Variants in INSL4 observed in about 807,000 individuals in gnomAD.
The protein encoded by INSL4 is early placenta insulin-like peptide.
Under a neutral mutation model 6.5 loss-of-function variants are expected in INSL4, and 7 were observed. The observed-to-expected ratio is 1.08, with a 90% CI of 0.61 to 2.02. INSL4 has a LOEUF of 2.02. Ranked by LOEUF, INSL4 falls within the 30% of genes most tolerant of loss-of-function variation. The probability of loss-of-function intolerance (pLI) is 0.00; values close to 1 mark genes in which losing one functional copy is unlikely to be tolerated. For synonymous variants in INSL4, 82 were observed against 65.8 expected (o/e 1.25, Z -1.19); for missense variants, 226 against 163.2 (o/e 1.38, Z -2.09).
Position 5,233,706 on chromosome 9 carries a change from A to G in INSL4, c.249A>G (p.Ser83=), listed in dbSNP as rs772501702. 1.9e-6 allele frequency: 3 copies of G among 1,613,742 alleles called. No homozygotes were observed. The South Asian group carries it at 3.3e-5, about 18-fold the overall frequency. ...NKDGQALGTT[S]EFIPNLSPEL... is the part of the protein sequence containing the mutation. The stretch of plus-strand genomic sequence containing the variant: ...ATGGACAAGCCTTAGGTACGACATC[A>G]GAATTCATTCCTAATTTGTCACCAG... Residue 83 remains serine, a synonymous_variant, in exon 2 of 2, where the codon TCA becomes TCG. Coordinates refer to ENST00000239316, the MANE Select transcript of INSL4 (RefSeq NM_002195.2).
In INSL4 at chr9:5,234,105, A is replaced by T; in HGVS notation, c.*228A>T. The stretch of plus-strand genomic sequence containing the variant: ...TACAATGGGGAAATTATACTTAACA[A>T]TAATTCACTGTATATTCCAAAATAG... On this transcript the variant is annotated 3_prime_UTR_variant, in exon 2 of 2. Coordinates refer to ENST00000239316, the MANE Select transcript of INSL4 (RefSeq NM_002195.2). 2.1e-6 allele frequency: 1 copy of T among 476,480 alleles called. No homozygotes were observed. Among genetic ancestry groups the T allele is most frequent in the Non-Finnish European group, 3.8e-6 (1 of 265,246 alleles). 29.5% of individuals were successfully genotyped at this position (476,480 alleles called of 1,614,324 possible).
In INSL4 at chr9:5,233,998, C is replaced by T; in HGVS notation, c.*121C>T. 1 of 703,574 alleles carries T rather than the reference C, an allele frequency of 1.4e-6. No homozygotes were observed. 43.6% of individuals were successfully genotyped at this position (703,574 alleles called of 1,614,324 possible). A position where few individuals can be genotyped will look rare whatever the true frequency, so the allele number is the denominator to read the frequency against. ...ACATGAGAATCATTATTAGTATTCA[C>T]ATGTTTCACTTGCTCTGTACTAATA... is the stretch of plus-strand genomic sequence containing the variant. On this transcript the variant is annotated 3_prime_UTR_variant, in exon 2 of 2. Coordinates refer to ENST00000239316, the MANE Select transcript of INSL4 (RefSeq NM_002195.2).
Position 5,233,901 on chromosome 9 carries a change from C to G in INSL4, c.*24C>G. 1 of 1,426,074 alleles carries G rather than the reference C, an allele frequency of 7.0e-7. No individual in the cohort carries two copies. Among genetic ancestry groups the G allele is most frequent in the East Asian group, 2.3e-5 (1 of 43,778 alleles). The allele number at this position is 1,426,074 out of a possible 1,614,324, so 88.3% of individuals were successfully genotyped here. A position where few individuals can be genotyped will look rare whatever the true frequency, so the allele number is the denominator to read the frequency against. On this transcript the variant is annotated 3_prime_UTR_variant, in exon 2 of 2. Transcript: ENST00000239316. Reference sequence around the variant, plus strand: ...AGTAGAGTAATCATGGACTGGACATCTCATCCATTCTCATATGTATTCTCA... The same window carrying G: ...AGTAGAGTAATCATGGACTGGACATGTCATCCATTCTCATATGTATTCTCA...
chr9:5,231,793 T>C (rs1292553285), intron 1 of INSL4, 74 bp downstream of exon 1: 2 of 1,304,144 alleles, frequency 1.5e-6, no homozygotes, highest in African/African-American at 1.5e-5. Flanking sequence ...TGACTGCCTG[T>C]AGTCAACTCA....
chr9:5,233,654 A>C lies in INSL4; in HGVS notation c.197A>C (p.Glu66Ala). Residue 66 changes from glutamate (E) to alanine (A), a missense_variant and splice_region_variant, in exon 2 of 2, where the codon GAA (glutamate) becomes GCA (alanine). Transcript: ENST00000239316. Reference sequence around the variant, plus strand: ...TTCATTCCTCTCTTTTACTTCACAGAAATGGTGTCAACCTCCAACAACAAA... The same window carrying C: ...TTCATTCCTCTCTTTTACTTCACAGCAATGGTGTCAACCTCCAACAACAAA... ...GWLLESGRPK[E>A]MVSTSNNKDG... 1 of 1,610,436 alleles carries C rather than the reference A, an allele frequency of 6.2e-7. No individual in the cohort carries two copies.
rs770280095 is a variant in INSL4 at position 5,231,720 on chromosome 9, G to A, written c.196+1G>A. ...CTGCTGGAATCTGGACGTCCCAAAG[G>A]TGAGAGCCCTGGACTACCAAACAAT... On this transcript the variant is annotated splice_donor_variant, in intron 1 of 1. Transcript: ENST00000239316. LOFTEE classifies it high-confidence loss of function. The A allele has an allele frequency of 6.2e-7, 1 of 1,613,190 alleles. No homozygotes were observed. The highest frequency in any genetic ancestry group is 1.1e-5 in the South Asian group (1 of 91,016).
In INSL4 at chr9:5,231,613, A is replaced by T. The variant is rs758047441; in HGVS notation, c.90A>T (p.Gly30=). 1.4e-5 allele frequency: 23 copies of T among 1,613,786 alleles called. No homozygotes were observed. The highest frequency in any genetic ancestry group is 1.7e-5 in the Non-Finnish European group (20 of 1,179,892). The change falls in exon 1 of 2, where the codon GGA becomes GGT. Residue 30 remains glycine (G), a synonymous_variant. Coordinates refer to ENST00000239316, the MANE Select transcript of INSL4 (RefSeq NM_002195.2). ...AAAGCCTAGCAGCAGAGCTGAGGGG[A>T]TGTGGTCCCCGATTTGGAAAACACT... ...LRESLAAELR[G]CGPRFGKHLL... is the part of the protein sequence containing the mutation.
Position 5,231,441 on chromosome 9 carries a change from C to A in INSL4, c.-83C>A, listed in dbSNP as rs1026535782. 4.4e-6 allele frequency: 6 copies of A among 1,365,246 alleles called. No homozygotes were observed. Among genetic ancestry groups the A allele is most frequent in the Non-Finnish European group, 5.0e-6 (5 of 991,316 alleles). 84.6% of individuals were successfully genotyped at this position (1,365,246 alleles called of 1,614,324 possible). A position where few individuals can be genotyped will look rare whatever the true frequency, so the allele number is the denominator to read the frequency against. On this transcript the variant is annotated 5_prime_UTR_variant, in exon 1 of 2. Coordinates refer to ENST00000239316, the MANE Select transcript of INSL4 (RefSeq NM_002195.2). Reference sequence around the variant, plus strand: ...AGCAGTCTGGAGCCCAGAAGGGACACACCAGCACAGTCTGGTAGGCTACAG... The same window carrying A: ...AGCAGTCTGGAGCCCAGAAGGGACAAACCAGCACAGTCTGGTAGGCTACAG...
At position 5,231,585 on chromosome 9, in the gene INSL4, G is replaced by C. The variant is rs373284084; in HGVS notation, c.62G>C (p.Arg21Thr). ...TGGCTGCTGCTGAGCCAACTCCTTA[G>C]AGAAAGCCTAGCAGCAGAGCTGAGG... ...AIWLLLSQLL[R>T]ESLAAELRGC... Residue 21 changes from arginine to threonine, a missense_variant, in exon 1 of 2, where the codon AGA becomes ACA. Arg to Thr is a moderately conservative substitution (Grantham distance 71). Transcript: ENST00000239316. 3.7e-6 allele frequency: 6 copies of C among 1,613,776 alleles called. No individual in the cohort carries two copies. The African/African-American group carries it at 8.0e-5, about 22-fold the overall frequency.
At chr9:5,233,096 C>T (rs1826172398) in intron 1 of INSL4, among the ~76,000 whole-genome samples, 1 of 152,068 alleles carries the variant, frequency 6.6e-6, no homozygotes, top group Non-Finnish European at 1.5e-5. Flanking sequence ...TGAAAATCCT[C>T]ATTTAAATAC....
rs1826189020 is a variant in INSL4, at chr9:5,233,984, A to G, written c.*107A>G. ...TGCTGTTTATTAGAACATGAGAATC[A>G]TTATTAGTATTCACATGTTTCACTT... On this transcript the variant is annotated 3_prime_UTR_variant, in exon 2 of 2. Coordinates refer to ENST00000239316, the MANE Select transcript of INSL4 (RefSeq NM_002195.2). 4 of 744,148 alleles carry G rather than the reference A, an allele frequency of 5.4e-6. No individual in the cohort carries two copies. Among genetic ancestry groups the G allele is most frequent in the Non-Finnish European group, 9.1e-6 (4 of 438,382 alleles). 46.1% of individuals were successfully genotyped at this position (744,148 alleles called of 1,614,324 possible).
chr9:5,233,373 G>C (rs78357337), intron 1 of INSL4, among the ~76,000 whole-genome samples: 1,685 of 152,248 alleles, frequency 0.011, 35 homozygotes, highest in African/African-American at 0.039. Context: ...GTCAGGGAGA[G>C]TCAAAAGTGG....
intron 1 of INSL4, 98 bp downstream of exon 1, chr9:5,231,817 C>G: frequency 9.7e-7 from 1 of 1,030,730 alleles, no homozygotes; most frequent in Non-Finnish European, 1.4e-6. Context: ...TCTACTGTGG[C>G]TAGTGCCTAC....
intron 1 of INSL4, among the ~76,000 whole-genome samples, chr9:5,233,336 T>A (rs1022887349): frequency 5.9e-5 from 9 of 152,104 alleles, no homozygotes; most frequent in African/African-American, 1.7e-4. Flanking sequence ...CAGTACATAA[T>A]GCATTGAGGT....
chr9:5,234,076 A>G lies in INSL4; in HGVS notation c.*199A>G. On this transcript the variant is annotated 3_prime_UTR_variant, in exon 2 of 2. Coordinates refer to ENST00000239316, the MANE Select transcript of INSL4 (RefSeq NM_002195.2). ...TAGATGGAATAAGTTCTAGTAGTTGATAGTACAATGGGGAAATTATACTTA... is the reference window on the plus strand; with the variant it reads ...TAGATGGAATAAGTTCTAGTAGTTGGTAGTACAATGGGGAAATTATACTTA... The G allele has an allele frequency of 1.8e-6, 1 of 542,378 alleles. No individual in the cohort carries two copies. Among genetic ancestry groups the G allele is most frequent in the South Asian group, 2.3e-5 (1 of 43,328 alleles). 33.6% of individuals were successfully genotyped at this position (542,378 alleles called of 1,614,324 possible). A position where few individuals can be genotyped will look rare whatever the true frequency, so the allele number is the denominator to read the frequency against.
At position 5,233,967 on chromosome 9, in the gene INSL4, A is replaced by G. The variant is rs547089557; in HGVS notation, c.*90A>G. The G allele has an allele frequency of 9.6e-6, 8 of 833,702 alleles. No homozygotes were observed. In the East Asian group the frequency reaches 1.8e-4, roughly 19 times the overall value. 51.6% of individuals were successfully genotyped at this position (833,702 alleles called of 1,614,324 possible). ...ATGCCCAATTAAATGATTGCTGTTT[A>G]TTAGAACATGAGAATCATTATTAGT... On this transcript the variant is annotated 3_prime_UTR_variant, in exon 2 of 2. Transcript: ENST00000239316.
At chr9:5,232,060 G>A (rs1826154619) in intron 1 of INSL4, among the ~76,000 whole-genome samples, 1 of 152,094 alleles carries the variant, frequency 6.6e-6, no homozygotes, top group African/African-American at 2.4e-5. Context: ...TGTACTCCCA[G>A]ACCCCCAGGA....
Position 5,233,822 on chromosome 9 carries a change from C to A in INSL4, c.365C>A (p.Pro122Gln), listed in dbSNP as rs267602254. The part of the protein sequence containing the change: ...KKRSGRHRFD[P>Q]FCCEVICDDG... Reference sequence around the variant, plus strand: ...AGAAGTGGACGTCACAGATTTGATCCATTCTGTTGTGAAGTAATTTGTGAC... The same window carrying A: ...AGAAGTGGACGTCACAGATTTGATCAATTCTGTTGTGAAGTAATTTGTGAC... The change falls in exon 2 of 2, where the codon CCA becomes CAA. Residue 122 changes from proline to glutamine, a missense_variant. Physicochemically the swap from Pro to Gln is moderately conservative, Grantham distance 76. Coordinates refer to ENST00000239316, the MANE Select transcript of INSL4 (RefSeq NM_002195.2). The A allele has an allele frequency of 1.1e-5, 17 of 1,613,606 alleles. No homozygotes were observed. The East Asian group carries it at 3.8e-4, about 36-fold the overall frequency.
chr9:5,234,200 C>G lies in INSL4; in HGVS notation c.*323C>G, dbSNP rs766308832. 1 of 282,146 alleles carries G rather than the reference C, an allele frequency of 3.5e-6. No individual in the cohort carries two copies. Among genetic ancestry groups the G allele is most frequent in the Non-Finnish European group, 6.8e-6 (1 of 147,820 alleles). 17.5% of individuals were successfully genotyped at this position (282,146 alleles called of 1,614,324 possible). On this transcript the variant is annotated 3_prime_UTR_variant, in exon 2 of 2. Coordinates refer to ENST00000239316, the MANE Select transcript of INSL4 (RefSeq NM_002195.2). ...TAGTTTGGATGCATATCCCAATTAC[C>G]CTGATTTGATCATTACACATTATAT...
Sources: gnomAD v4.1 joint callset for allele counts (sites outside exome capture counted in the v4.1 genomes callset) on GRCh38, gnomAD v4.1.1 for gene constraint, MANE v1.5 for transcripts, NCBI Gene and HGNC (gene_info 2026-07-23, HGNC 2026-07-21) for gene names.